Variants in LVRN observed in about 807,000 individuals in gnomAD.
LVRN encodes the protein aminopeptidase Q.
In LVRN, 99 loss-of-function variants were observed where a neutral mutation model predicts 111.4. That is an observed-to-expected ratio of 0.89 (90% CI 0.76 to 1.05). The LOEUF (loss-of-function observed/expected upper bound fraction) is 1.05, where lower values mean the gene tolerates loss of function less well. Ranked by LOEUF, LVRN falls within the 50% of genes least tolerant of loss-of-function variation. The pLI is 0.00. For missense variants in LVRN, 1,414 were observed against 1,206.8 expected, an observed-to-expected ratio of 1.17 and a Z score of -2.54; for synonymous variants, 488 against 449.5, an observed-to-expected ratio of 1.09 and a Z score of -1.08.
At chr5:115,963,933 A>T (rs1753146338) in intron 1 of LVRN, among the ~76,000 whole-genome samples, 1 of 151,980 alleles carries the variant, frequency 6.6e-6, no homozygotes, top group African/African-American at 2.4e-5. Context: ...AAATTTCTTC[A>T]CCCCATTCAA....
At chr5:115,985,225 G>A (rs1747831128) in intron 3 of LVRN, among the ~76,000 whole-genome samples, 1 of 152,126 alleles carries the variant, frequency 6.6e-6, no homozygotes, top group African/African-American at 2.4e-5. Context: ...CTGTGAAATG[G>A]CCATATAAAC....
At chr5:115,975,465 T>C (rs1441074688) in intron 1 of LVRN, 1 of 184,734 alleles carries the variant, frequency 5.4e-6, no homozygotes, top group Non-Finnish European at 1.1e-5. Flanking sequence ...AGCTCCTGAG[T>C]GGGCATAAGG....
chr5:115,983,273 A>T lies in LVRN; in HGVS notation c.696-14A>T, dbSNP rs1747756477. The T allele has an allele frequency of 6.5e-7, 1 of 1,545,226 alleles. No individual in the cohort carries two copies. Among genetic ancestry groups the T allele is most frequent in the Admixed American group, 2.3e-5 (1 of 43,128 alleles). On this transcript the variant is annotated splice_polypyrimidine_tract_variant and intron_variant, in intron 1 of 19. Coordinates refer to ENST00000357872, the MANE Select transcript of LVRN (RefSeq NM_173800.5). ...AATAAAAATAAATAAAAATTTCCCC[A>T]AAATGTATTTCAGGGCCCTGTTAGC...
intron 16 of LVRN, 48 bp from the exon 17 acceptor site, chr5:116,015,204 G>C: frequency 1.2e-6 from 1 of 824,038 alleles, no homozygotes; most frequent in Non-Finnish European, 1.7e-6. Flanking sequence ...GATAACCTGG[G>C]TAAACATAAC....
chr5:116,001,493 G>A (rs200425505), intron 10 of LVRN, among the ~76,000 whole-genome samples: 2 of 152,150 alleles, frequency 1.3e-5, no homozygotes, highest in East Asian at 3.9e-4. Context: ...GCTATTGTGT[G>A]TTCCTCTTCA....
chr5:115,999,643 C>T (rs1279540529), intron 6 of LVRN, 119 bp from the exon 7 acceptor site: 18 of 1,085,816 alleles, frequency 1.7e-5, no homozygotes, highest in East Asian at 2.5e-5. Flanking sequence ...AAAGACACTT[C>T]TCAATTACTG....
In LVRN at chr5:116,003,230, T is replaced by C. The variant is rs1405934931; in HGVS notation, c.1898-11T>C. 2 of 1,566,282 alleles carry C rather than the reference T, an allele frequency of 1.3e-6. No individual in the cohort carries two copies. The highest frequency in any genetic ancestry group is 4.6e-5 in the East Asian group (2 of 43,872). ...TGTACCATTTCAAATTATTCCCATA[T>C]TCCTTTATAGAAGTATTCCCAGAAA... is the stretch of plus-strand genomic sequence containing the variant. On this transcript the variant is annotated splice_polypyrimidine_tract_variant and intron_variant, in intron 11 of 19. Coordinates refer to ENST00000357872, the MANE Select transcript of LVRN (RefSeq NM_173800.5).
chr5:115,979,380 A>G (rs1753515363), intron 1 of LVRN, among the ~76,000 whole-genome samples: 2 of 152,082 alleles, frequency 1.3e-5, no homozygotes, highest in South Asian at 4.2e-4. Context: ...GCCCATAGTT[A>G]GAAGGTTGCC....
chr5:116,008,141 A>T (rs1186602175), intron 13 of LVRN, among the ~76,000 whole-genome samples: 1 of 152,228 alleles, frequency 6.6e-6, no homozygotes, highest in South Asian at 2.1e-4. Context: ...GGAGATCAAG[A>T]CCATCCTGGC....
chr5:116,014,321 A>T, intron 15 of LVRN, 99 bp from the exon 16 acceptor site: 1 of 836,404 alleles, frequency 1.2e-6, no homozygotes, highest in Non-Finnish European at 1.9e-6. Context: ...AAGGATATTT[A>T]AAAATACCCA....
chr5:116,024,164 G>A (rs1032854714), intron 19 of LVRN, among the ~76,000 whole-genome samples: 1 of 152,058 alleles, frequency 6.6e-6, no homozygotes, highest in East Asian at 1.9e-4. Flanking sequence ...GGTTTCAAAG[G>A]GGTACACAGT....
intron 10 of LVRN, among the ~76,000 whole-genome samples, chr5:116,001,839 G>A (rs1421226674): frequency 6.6e-6 from 1 of 152,122 alleles, no homozygotes; most frequent in Non-Finnish European, 1.5e-5. Flanking sequence ...AGTTTCAGTT[G>A]CCTTATCTAT....
At position 115,993,854 on chromosome 5, in the gene LVRN, A is replaced by G; in HGVS notation, c.1374A>G (p.Arg458=). 6.5e-7 allele frequency: 1 copy of G among 1,543,158 alleles called. No homozygotes were observed. The highest frequency in any genetic ancestry group is 8.8e-7 in the Non-Finnish European group (1 of 1,130,588). Residue 458 remains arginine (R), a splice_region_variant and synonymous_variant, in exon 6 of 20, where the codon AGA becomes AGG. Transcript: ENST00000357872. The part of the protein sequence containing the change: ...VINYFNPKLP[R]NEIFFSNILH... ...ACTACTTTAATCCTAAACTCCCAAGAGTAAGTATGTTTACTAAGTTTATTT... is the reference window on the plus strand; with the variant it reads ...ACTACTTTAATCCTAAACTCCCAAGGGTAAGTATGTTTACTAAGTTTATTT...
chr5:115,992,423 G>C (rs1748017141), intron 5 of LVRN, 146 bp downstream of exon 5: 2 of 947,176 alleles, frequency 2.1e-6, no homozygotes. Flanking sequence ...AGTAAAAATG[G>C]GGAAGACTCA....
intron 6 of LVRN, 62 bp from the exon 7 acceptor site, chr5:115,999,700 A>G (rs1308473106): frequency 1.9e-5 from 29 of 1,551,780 alleles, no homozygotes; most frequent in South Asian, 1.2e-4. Context: ...TTTTAGGGCC[A>G]TAGAATTTTG....
In LVRN at chr5:116,015,514, G is replaced by A. The variant is rs140394964; in HGVS notation, c.2618+95G>A. On this transcript the variant is annotated intron_variant, in intron 17 of 19. Transcript: ENST00000357872. ...AATGTGCTAATGTAAGTATTAAAAC[G>A]TTGCGTATTTGTGCTTCACTACCTT... is the stretch of plus-strand genomic sequence containing the variant. 7.8e-5 allele frequency: 114 copies of A among 1,468,860 alleles called. 1 individual carries two copies. The African/African-American group carries it at 1.3e-3, about 16-fold the overall frequency. The allele number at this position is 1,468,860 out of a possible 1,614,324, so 91.0% of individuals were successfully genotyped here. A position where few individuals can be genotyped will look rare whatever the true frequency, so the allele number is the denominator to read the frequency against.
At position 115,974,678 on chromosome 5, in the gene LVRN, A is replaced by C. The variant is rs141462326; in HGVS notation, c.696-8609A>C. On this transcript the variant is annotated intron_variant, in intron 1 of 19. Coordinates refer to ENST00000357872, the MANE Select transcript of LVRN (RefSeq NM_173800.5). ...CAACCCTCAAATCATTTCTAGTCAC[A>C]CGTGTAATTGGCACTCCAGTCCTTC... The C allele has an allele frequency of 1.8e-3, 294 of 163,298 alleles. 1 individual carries two copies. The highest frequency in any genetic ancestry group is 6.6e-3 in the African/African-American group (274 of 41,712). The allele number at this position is 163,298 out of a possible 1,614,324, so 10.1% of individuals were successfully genotyped here. A position where few individuals can be genotyped will look rare whatever the true frequency, so the allele number is the denominator to read the frequency against.
chr5:116,002,786 T>G (rs764553709), intron 10 of LVRN, 49 bp from the exon 11 acceptor site: 6 of 1,347,660 alleles, frequency 4.5e-6, no homozygotes. Context: ...TCAGAGTGTA[T>G]GTTTTTATGT....
chr5:115,976,825 C>T (rs1395381193), intron 1 of LVRN, among the ~76,000 whole-genome samples: 1 of 152,002 alleles, frequency 6.6e-6, no homozygotes, highest in Non-Finnish European at 1.5e-5. Context: ...AGAATGCTGG[C>T]CCTTTTGGAT....
Sources: allele counts gnomAD v4.1 joint callset (sites outside exome capture counted in the v4.1 genomes callset), GRCh38; gene constraint gnomAD v4.1.1; transcripts MANE v1.5; gene names NCBI Gene and HGNC (gene_info 2026-07-23, HGNC 2026-07-21).